The following NUF2 variants were observed in gnomAD, a reference collection of about 807,000 sequenced individuals.
NUF2 encodes the protein NUF2 component of NDC80 kinetochore complex.
Under a neutral mutation model 61.8 loss-of-function variants are expected in NUF2, and 34 were observed. The observed-to-expected ratio is 0.55, with a 90% CI of 0.42 to 0.73. The LOEUF is 0.73. Ranked by LOEUF, NUF2 falls within the 30% of genes least tolerant of loss-of-function variation. The probability of loss-of-function intolerance (pLI) is 0.00; values close to 1 mark genes in which losing one functional copy is unlikely to be tolerated. For synonymous variants in NUF2, 172 were observed against 181.6 expected (o/e 0.95, Z 0.42); for missense variants, 445 against 539.1 (o/e 0.83, Z 1.73).
chr1:163,328,993 A>G (rs906744585), intron 5 of NUF2, 86 bp downstream of exon 5: 34 of 675,738 alleles, frequency 5.0e-5, no homozygotes, highest in Non-Finnish European at 7.7e-5. Flanking sequence ...AAAAAAAAAA[A>G]GGAAAAAAAC....
chr1:163,336,002 A>T (rs532026619), intron 5 of NUF2, among the ~76,000 whole-genome samples: 1 of 152,198 alleles, frequency 6.6e-6, no homozygotes, highest in African/African-American at 2.4e-5. Context: ...TTATTTATTT[A>T]TAAAGGTTGT....
intron 1 of NUF2, among the ~76,000 whole-genome samples, chr1:163,324,904 T>C (rs200342216): frequency 8.6e-4 from 60 of 70,010 alleles, no homozygotes; most frequent in Admixed American, 9.3e-4. Flanking sequence ...TTCTTTCTTT[T>C]TTTTTTTTTT....
intron 13 of NUF2, among the ~76,000 whole-genome samples, chr1:163,353,323 T>C (rs893325135): frequency 2.6e-5 from 4 of 152,206 alleles, no homozygotes; most frequent in African/African-American, 9.7e-5. Flanking sequence ...ATGGATAGTG[T>C]ATAGTCTTAA....
At chr1:163,348,657 A>T (rs1029576707) in intron 12 of NUF2, among the ~76,000 whole-genome samples, 1 of 152,142 alleles carries the variant, frequency 6.6e-6, no homozygotes, top group African/African-American at 2.4e-5. Context: ...TAACTTAAAA[A>T]ATCTTCATTT....
chr1:163,338,666 G>A (rs1441427673), intron 7 of NUF2, among the ~76,000 whole-genome samples: 2 of 152,054 alleles, frequency 1.3e-5, no homozygotes, highest in Non-Finnish European at 2.9e-5. Flanking sequence ...GGTTAAAATT[G>A]CCTTTACAGG....
At chr1:163,350,841 A>G (rs1029344515) in intron 13 of NUF2, among the ~76,000 whole-genome samples, 1 of 152,176 alleles carries the variant, frequency 6.6e-6, no homozygotes, top group Admixed American at 6.5e-5. Flanking sequence ...GTTCAATGGT[A>G]TAGAGTTTTC....
At chr1:163,327,098 T>TCTTTAAAACA (rs1553230626) in intron 2 of NUF2, among the ~76,000 whole-genome samples, 594 of 33,348 alleles carry the variant, frequency 0.018, 5 homozygotes, top group African/African-American at 0.03. Flanking sequence ...TTTCCTGTGT[T>TCTTTAAAACA]CACACACACA....
Position 163,355,391 on chromosome 1 carries a change from G to A in NUF2, c.1317G>A (p.Lys439=). ...AGAAATACCACGACGGTATTGAAAA[G>A]GCAGCAGAGGACTCCTATGCTAAGA... ...ALEKYHDGIE[K]AAEDSYAKID... Residue 439 remains lysine, a synonymous_variant, in exon 14 of 14, where the codon AAG becomes AAA. Coordinates refer to ENST00000271452, the MANE Select transcript of NUF2 (RefSeq NM_145697.3). 3 of 1,608,260 alleles carry A rather than the reference G, an allele frequency of 1.9e-6. No individual in the cohort carries two copies. Among genetic ancestry groups the A allele is most frequent in the Non-Finnish European group, 1.7e-6 (2 of 1,176,492 alleles).
intron 11 of NUF2, chr1:163,346,189 A>G (rs1035834520): frequency 6.6e-6 from 1 of 152,530 alleles, no homozygotes; most frequent in Admixed American, 6.5e-5. Flanking sequence ...CTTTATGTAC[A>G]TACCTATGAT....
intron 2 of NUF2, among the ~76,000 whole-genome samples, chr1:163,327,285 T>C (rs971761581): frequency 1.3e-5 from 2 of 152,172 alleles, no homozygotes; most frequent in African/African-American, 4.8e-5. Context: ...GCTGATCCCA[T>C]TGACCACTTA....
intron 2 of NUF2, among the ~76,000 whole-genome samples, chr1:163,327,250 G>T (rs1557946432): frequency 6.6e-6 from 1 of 151,972 alleles, no homozygotes; most frequent in Non-Finnish European, 1.5e-5. Flanking sequence ...TTGGATTTGG[G>T]TATACTTGCT....
At chr1:163,353,620 G>A (rs1318414897) in intron 13 of NUF2, among the ~76,000 whole-genome samples, 3 of 152,168 alleles carry the variant, frequency 2.0e-5, no homozygotes, top group African/African-American at 7.2e-5. Flanking sequence ...TAACTTCAAC[G>A]AGGCCATCAC....
chr1:163,347,304 T>C (rs1312401724), intron 11 of NUF2, among the ~76,000 whole-genome samples: 1 of 152,244 alleles, frequency 6.6e-6, no homozygotes, highest in Non-Finnish European at 1.5e-5. Flanking sequence ...AAACAATTTC[T>C]TTTTTGAGAT....
chr1:163,326,005 A>G lies in NUF2; in HGVS notation c.-20-27A>G, dbSNP rs761166920. ...TAATGAGAACTACTGATCATGTGGTATTTCTCATTGTTTTTTCTTCCTTCA... is the reference window on the plus strand; with the variant it reads ...TAATGAGAACTACTGATCATGTGGTGTTTCTCATTGTTTTTTCTTCCTTCA... On this transcript the variant is annotated intron_variant, in intron 1 of 13. Transcript: ENST00000271452. 1.7e-5 allele frequency: 27 copies of G among 1,581,506 alleles called. No homozygotes were observed. The East Asian group carries it at 5.6e-4, about 33-fold the overall frequency.
At chr1:163,342,959 T>C (rs1025114388) in intron 9 of NUF2, among the ~76,000 whole-genome samples, 5 of 152,176 alleles carry the variant, frequency 3.3e-5, no homozygotes, top group Admixed American at 6.5e-5. Flanking sequence ...CATAGAGTCA[T>C]AGAGGGTCCC....
chr1:163,328,727 A>G (rs1650505331), intron 4 of NUF2, 119 bp from the exon 5 acceptor site: 2 of 669,036 alleles, frequency 3.0e-6, no homozygotes, highest in East Asian at 5.3e-5. Flanking sequence ...GGCTTCGTCC[A>G]CTGACCTTAA....
At chr1:163,345,610 A>G in intron 10 of NUF2, 68 bp from the exon 11 acceptor site, 1 of 1,390,726 alleles carries the variant, frequency 7.2e-7, no homozygotes. Context: ...AGAGCAAACA[A>G]ATTGATATTA....
chr1:163,338,771 G>T (rs1298325041), intron 7 of NUF2, among the ~76,000 whole-genome samples: 1 of 151,982 alleles, frequency 6.6e-6, no homozygotes, highest in Non-Finnish European at 1.5e-5. Flanking sequence ...ATGCCACAAA[G>T]CCTTACCAAC....
At chr1:163,332,982 C>T (rs1650646218) in intron 5 of NUF2, among the ~76,000 whole-genome samples, 1 of 152,104 alleles carries the variant, frequency 6.6e-6, no homozygotes, top group Non-Finnish European at 1.5e-5. Context: ...TAATTGGATC[C>T]AGTTGGTTAA....
Sources: gnomAD v4.1 joint callset for allele counts (sites outside exome capture counted in the v4.1 genomes callset) on GRCh38, gnomAD v4.1.1 for gene constraint, MANE v1.5 for transcripts, NCBI Gene and HGNC (gene_info 2026-07-23, HGNC 2026-07-21) for gene names.